WNK2: variants seen among roughly 807,000 people sequenced by gnomAD.
WNK2 encodes WNK lysine deficient protein kinase 2, also known as serine/threonine-protein kinase WNK2.
WNK2 carries 67 observed loss-of-function variants against 192.1 expected under a neutral mutation model. That is an observed-to-expected ratio of 0.35 (90% confidence interval 0.29 to 0.43). WNK2 has a LOEUF of 0.43. WNK2 is among the 20% of genes least tolerant of loss of function. The pLI, the probability that WNK2 is intolerant of heterozygous loss-of-function variation, is 1.00. For synonymous variants in WNK2, 1,439 were observed against 1,393.9 expected (o/e 1.03, Z -0.72); for missense variants, 2,698 against 3,089.7 (o/e 0.87, Z 3.01).
rs1421220429 is a variant in WNK2 at position 93,262,682 on chromosome 9, C to G, written c.3373C>G (p.Gln1125Glu). ...VEPVQEEQAS[Q>E]DKPPGLPQSC... is the part of the protein sequence containing the mutation. ...GTGTTTATTTCAGGAGCAGGCCTCACAGGACAAGCCGCCCGGCCTCCCGCA... is the reference window on the plus strand; with the variant it reads ...GTGTTTATTTCAGGAGCAGGCCTCAGAGGACAAGCCGCCCGGCCTCCCGCA... Residue 1125 changes from glutamine (Q) to glutamate (E), a missense_variant, in exon 14 of 30, where the codon CAG becomes GAG. This residue lies in a region of WNK2 where 893 missense variants were observed against 909.0 expected (regional missense o/e 0.98). Transcript: ENST00000427277. 1.9e-6 allele frequency: 3 copies of G among 1,612,640 alleles called. No individual in the cohort carries two copies. The highest frequency in any genetic ancestry group is 1.1e-5 in the South Asian group (1 of 91,084).
chr9:93,215,150 C>T (rs1317714671), intron 2 of WNK2, among the ~76,000 whole-genome samples: 1 of 152,030 alleles, frequency 6.6e-6, no homozygotes, highest in Non-Finnish European at 1.5e-5. Flanking sequence ...GAGATGGAGT[C>T]TTGCTCTGTT....
In WNK2 at chr9:93,247,472, A is replaced by C; in HGVS notation, c.1543-71A>C. On this transcript the variant is annotated intron_variant, in intron 7 of 29. Transcript: ENST00000427277. This position sits in a 1 kb window ranked among gnomAD's most constrained non-coding sequence, Gnocchi z 5.2. Reference sequence around the variant, plus strand: ...GTGGATGAGCCAGTGATGGGAAAGCACTTTAGGTAAGGGGTGTGGGCCGGT... The same window carrying C: ...GTGGATGAGCCAGTGATGGGAAAGCCCTTTAGGTAAGGGGTGTGGGCCGGT... The C allele has an allele frequency of 6.6e-7, 1 of 1,525,846 alleles. No homozygotes were observed. Among genetic ancestry groups the C allele is most frequent in the South Asian group, 1.2e-5 (1 of 82,048 alleles). The allele number at this position is 1,525,846 out of a possible 1,614,324, so 94.5% of individuals were successfully genotyped here.
intron 6 of WNK2, among the ~76,000 whole-genome samples, chr9:93,238,679 C>T (rs1178318787): frequency 1.3e-5 from 2 of 152,262 alleles, no homozygotes; most frequent in African/African-American, 4.8e-5. Flanking sequence ...CTCTGCTCCT[C>T]TCTGCATGAC....
In WNK2 at chr9:93,257,257, G is replaced by A. The variant is rs1462524945; in HGVS notation, c.2382+118G>A. 6 of 1,146,284 alleles carry A rather than the reference G, an allele frequency of 5.2e-6. No individual in the cohort carries two copies. Among genetic ancestry groups the A allele is most frequent in the Non-Finnish European group, 7.3e-6 (6 of 824,508 alleles). 71.0% of individuals were successfully genotyped at this position (1,146,284 alleles called of 1,614,324 possible). ...TGCATGTGACCTGTGACCTGGGGTT[G>A]GGCTGGCCAGGGAGTTGGGGCTGGG... On this transcript the variant is annotated intron_variant, in intron 11 of 29. Coordinates refer to ENST00000427277, the MANE Select transcript of WNK2 (RefSeq NM_006648.4). This position sits in a 1 kb window ranked among gnomAD's most constrained non-coding sequence, Gnocchi z 4.7.
At chr9:93,301,703 C>G (rs1298918827) in intron 26 of WNK2, among the ~76,000 whole-genome samples, 1 of 152,214 alleles carries the variant, frequency 6.6e-6, no homozygotes, top group Non-Finnish European at 1.5e-5. Flanking sequence ...CCGGCTCCTG[C>G]ATGTGCGGCT....
intron 7 of WNK2, among the ~76,000 whole-genome samples, chr9:93,243,282 C>T (rs200124182): frequency 4.6e-5 from 7 of 152,178 alleles, no homozygotes; most frequent in South Asian, 4.1e-4. Flanking sequence ...TTCATCCACA[C>T]GGAGACTTGG....
Position 93,292,302 on chromosome 9 carries a change from C to A in WNK2, c.4937-6C>A. On this transcript the variant is annotated splice_region_variant and splice_polypyrimidine_tract_variant and intron_variant, in intron 21 of 29. Coordinates refer to ENST00000427277, the MANE Select transcript of WNK2 (RefSeq NM_006648.4). ...AGCCCCAGTAACGTTTCTGATGTTC[C>A]CATAGCAGAGTCGTCTCCCAGGAGT... 1 of 1,613,776 alleles carries A rather than the reference C, an allele frequency of 6.2e-7. No homozygotes were observed. The highest frequency in any genetic ancestry group is 8.5e-7 in the Non-Finnish European group (1 of 1,179,786).
intron 5 of WNK2, 81 bp from the exon 6 acceptor site, chr9:93,238,152 G>A (rs1840134776): frequency 7.8e-7 from 1 of 1,286,250 alleles, no homozygotes; most frequent in South Asian, 1.2e-5. Context: ...GTGGCTGGGA[G>A]TGGGAGTTCC....
chr9:93,240,046 A>G, intron 7 of WNK2, 70 bp downstream of exon 7: 1 of 1,492,616 alleles, frequency 6.7e-7, no homozygotes, highest in Admixed American at 2.0e-5. Context: ...GGATGAGAAC[A>G]AAAGTGGGCT....
intron 8 of WNK2, 149 bp from the exon 9 acceptor site, chr9:93,252,734 G>A: frequency 1.4e-6 from 1 of 698,692 alleles, no homozygotes; most frequent in Non-Finnish European, 2.1e-6. Context: ...TTCTGTAGCA[G>A]CCAATTGTTT....
chr9:93,251,775 A>G (rs1057241130), intron 8 of WNK2, among the ~76,000 whole-genome samples: 11 of 152,152 alleles, frequency 7.2e-5, no homozygotes, highest in African/African-American at 2.7e-4. Context: ...TGTCAGGTCT[A>G]TACACGTTCT....
chr9:93,303,305 G>T (rs187254432), intron 26 of WNK2, among the ~76,000 whole-genome samples: 5 of 152,322 alleles, frequency 3.3e-5, no homozygotes, highest in Admixed American at 6.5e-5. Flanking sequence ...TCGTGGTTCT[G>T]TTGGTTCTGC....
At position 93,238,340 on chromosome 9, in the gene WNK2, C is replaced by T. The variant is rs1539670; in HGVS notation, c.1322+19C>T. On this transcript the variant is annotated intron_variant, in intron 6 of 29. Transcript: ENST00000427277. The stretch of plus-strand genomic sequence containing the variant: ...AGGAAAGGTGAGTTCCCCTGAAGGG[C>T]TGGGTTCTGGGGTCCATCTCCAGCT... The T allele has an allele frequency of 0.95, 1,536,743 of 1,610,676 alleles. 733,421 individuals carry two copies. The highest frequency in any genetic ancestry group is 0.98 in the African/African-American group (73,304 of 74,972).
At chr9:93,225,877 C>T (rs1402908523) in intron 2 of WNK2, among the ~76,000 whole-genome samples, 1 of 151,828 alleles carries the variant, frequency 6.6e-6, no homozygotes, top group African/African-American at 2.4e-5. Context: ...CCAGGGACCT[C>T]GAGGGTCACC....
rs753672407 is a variant in WNK2, at chr9:93,292,793, C to G, written c.5328C>G (p.Asp1776Glu). Residue 1776 changes from aspartate to glutamate, a missense_variant, in exon 23 of 30, where the codon GAC becomes GAG. By Grantham distance (45) the Asp-to-Glu change is conservative. Coordinates refer to ENST00000427277, the MANE Select transcript of WNK2 (RefSeq NM_006648.4). ...CTGCCCCACCCGACGTCTACCTGGA[C>G]GAGGCCCCCTCCAGCCCCGACGTGA... The part of the protein sequence containing the change: ...RYSAPPDVYL[D>E]EAPSSPDVKL... 6.5e-7 allele frequency: 1 copy of G among 1,549,394 alleles called. No homozygotes were observed. The highest frequency in any genetic ancestry group is 1.2e-5 in the South Asian group (1 of 83,604).
At chr9:93,267,643 C>T in intron 16 of WNK2, 103 bp from the exon 17 acceptor site, 1 of 1,340,860 alleles carries the variant, frequency 7.5e-7, no homozygotes, top group African/African-American at 1.5e-5. Flanking sequence ...CACCATTCTT[C>T]CCTTGGGGCC....
chr9:93,208,051 C>G (rs1489275165), intron 2 of WNK2, among the ~76,000 whole-genome samples: 1 of 152,194 alleles, frequency 6.6e-6, no homozygotes, highest in Non-Finnish European at 1.5e-5. Context: ...CCTCCGGTGC[C>G]TGGCTTTTCT....
At position 93,185,547 on chromosome 9, in the gene WNK2, C is replaced by T. The variant is rs1351732247; in HGVS notation, c.618C>T (p.Phe206=). Residue 206 remains phenylalanine (F), a synonymous_variant, in exon 2 of 30, where the codon TTC becomes TTT. Coordinates refer to ENST00000427277, the MANE Select transcript of WNK2 (RefSeq NM_006648.4). The stretch of plus-strand genomic sequence containing the variant: ...ACATCGAGCTGGGCCGCGGTTCCTT[C>T]AAGACGGTCTACAAGGGGCTGGACA... ...KFDIELGRGS[F]KTVYKGLDTE... is the part of the protein sequence containing the mutation. 2 of 1,613,032 alleles carry T rather than the reference C, an allele frequency of 1.2e-6. No individual in the cohort carries two copies. Among genetic ancestry groups the T allele is most frequent in the East Asian group, 2.2e-5 (1 of 44,858 alleles).
At chr9:93,195,390 G>A (rs1370058487) in intron 2 of WNK2, among the ~76,000 whole-genome samples, 1 of 152,110 alleles carries the variant, frequency 6.6e-6, no homozygotes, top group Non-Finnish European at 1.5e-5. Context: ...AAATGCAACA[G>A]CTACATTAAA....
Sources: gnomAD v4.1 joint callset for allele counts (sites outside exome capture counted in the v4.1 genomes callset) on GRCh38, gnomAD v4.1.1 for gene constraint, gnomAD v4.1.1 regional missense constraint, Gnocchi (gnomAD v3.1) non-coding constraint, MANE v1.5 for transcripts, NCBI Gene and HGNC (gene_info 2026-07-23, HGNC 2026-07-21) for gene names.